The following STRN4 variants were observed in gnomAD, a reference collection of about 807,000 sequenced individuals.
STRN4 encodes the protein striatin-4.
STRN4 carries 27 observed loss-of-function variants against 77.9 expected under a neutral mutation model. The observed-to-expected ratio is 0.35, with a 90% CI of 0.26 to 0.48. STRN4 has a LOEUF of 0.48. Among genes scored for constraint, STRN4 ranks in the 20% least tolerant of loss-of-function variants. The probability of loss-of-function intolerance (pLI) is 0.99; values close to 1 mark genes in which losing one functional copy is unlikely to be tolerated. For synonymous variants in STRN4, 466 were observed against 443.1 expected, an observed-to-expected ratio of 1.05 and a Z score of -0.65; for missense variants, 798 against 1,049.7, an observed-to-expected ratio of 0.76 and a Z score of 3.31.
intron 1 of STRN4, chr19:46,745,801 C>G (rs2054579199): frequency 5.0e-6 from 1 of 201,688 alleles, no homozygotes; most frequent in Non-Finnish European, 1.0e-5. Flanking sequence ...CTCGAGTCGC[C>G]TCTCTCAGGA....
At chr19:46,734,933 G>T (rs1056477421) in intron 4 of STRN4, among the ~76,000 whole-genome samples, 3 of 152,038 alleles carry the variant, frequency 2.0e-5, no homozygotes, top group African/African-American at 7.2e-5. Flanking sequence ...CAAAGTGCTG[G>T]GATTACAGGC....
chr19:46,738,731 C>T lies in STRN4; in HGVS notation c.386+54G>A. ...GGAGGCGTGGCTGGTGGCCTCCTGA[C>T]ACTGTGCTTGAGACGGACCCAGAAG... On this transcript the variant is annotated intron_variant, in intron 2 of 17. Transcript: ENST00000263280. This position sits in a 1 kb window ranked among gnomAD's most constrained non-coding sequence, Gnocchi z 4.5. The T allele has an allele frequency of 1.3e-6, 2 of 1,580,342 alleles. No individual in the cohort carries two copies. Among genetic ancestry groups the T allele is most frequent in the Non-Finnish European group, 1.7e-6 (2 of 1,150,358 alleles).
rs1320014081 is a variant in STRN4 at position 46,728,739 on chromosome 19, C to A, written c.918G>T (p.Glu306Asp). 6.2e-7 allele frequency: 1 copy of A among 1,614,062 alleles called. No individual in the cohort carries two copies. The highest frequency in any genetic ancestry group is 1.3e-5 in the African/African-American group (1 of 74,946). The stretch of plus-strand genomic sequence containing the variant: ...CATCCTCAGAGTCGTCTTCCTCATC[C>A]TCGTCTTCCATTTCGGGCACCAGAG... ...SKALVPEMED[E>D]DEEDDSEDAI... is the part of the protein sequence containing the mutation. The change falls in exon 7 of 18, where the codon GAG (glutamate) becomes GAT (aspartate). Residue 306 changes from glutamate (E) to aspartate (D), a missense_variant. Glu to Asp is a conservative substitution (Grantham distance 45). Around this residue, in one of 2 missense-constraint regions of STRN4, gnomAD observed 511 missense variants for 575.9 expected, o/e 0.89. Coordinates refer to ENST00000263280, the MANE Select transcript of STRN4 (RefSeq NM_013403.3).
In STRN4 at chr19:46,722,293, T is replaced by C; in HGVS notation, c.1954A>G (p.Thr652Ala). 2.5e-6 allele frequency: 4 copies of C among 1,614,072 alleles called. No individual in the cohort carries two copies. The highest frequency in any genetic ancestry group is 3.4e-6 in the Non-Finnish European group (4 of 1,180,002). The change falls in exon 15 of 18, where the codon ACC becomes GCC. Residue 652 changes from threonine (T) to alanine (A), a missense_variant. Thr to Ala is a moderately conservative substitution (Grantham distance 58). Around this residue, in one of 2 missense-constraint regions of STRN4, gnomAD observed 287 missense variants for 473.8 expected, o/e 0.61. Coordinates refer to ENST00000263280, the MANE Select transcript of STRN4 (RefSeq NM_013403.3). Reference protein sequence around the residue: ...QVVSHPNQPLTITAHDDRGIR... With the variant: ...QVVSHPNQPLAITAHDDRGIR... ...CCCCTGTCGTCGTGGGCGGTGATGGTGAGAGGCTGGTTTGGATGACTCACC... is the reference window on the plus strand; with the variant it reads ...CCCCTGTCGTCGTGGGCGGTGATGGCGAGAGGCTGGTTTGGATGACTCACC...
chr19:46,741,385 G>T lies in STRN4; in HGVS notation c.283-2497C>A, dbSNP rs1473647866. On this transcript the variant is annotated intron_variant, in intron 1 of 17. Coordinates refer to ENST00000263280, the MANE Select transcript of STRN4 (RefSeq NM_013403.3). This position sits in a 1 kb window ranked among gnomAD's most constrained non-coding sequence, Gnocchi z 4.9. ...CCCTCCTCCTAATGAGGATGTGAGG[G>T]TCTCAGCTGCCCACTCTGCTTTGCT... 6.6e-6 allele frequency among the ~76,000 whole-genome samples: 1 copy of T among 152,172 alleles called. No individual in the cohort carries two copies. The highest frequency in any genetic ancestry group is 2.4e-5 in the African/African-American group (1 of 41,446).
At chr19:46,725,217 A>G (rs1042959805) in intron 11 of STRN4, 115 bp downstream of exon 11, 57 of 1,422,708 alleles carry the variant, frequency 4.0e-5, no homozygotes, top group Middle Eastern at 3.6e-4. Context: ...GCGGGGACTC[A>G]GAGCCCCCTG....
rs2053945977 is a variant in STRN4, at chr19:46,720,321, A to C, written c.*84T>G. 1 of 326,602 alleles carries C rather than the reference A, an allele frequency of 3.1e-6. No individual in the cohort carries two copies. Among genetic ancestry groups the C allele is most frequent in the Non-Finnish European group, 5.6e-6 (1 of 179,578 alleles). 20.2% of individuals were successfully genotyped at this position (326,602 alleles called of 1,614,324 possible). A position where few individuals can be genotyped will look rare whatever the true frequency, so the allele number is the denominator to read the frequency against. On this transcript the variant is annotated 3_prime_UTR_variant, in exon 18 of 18. Coordinates refer to ENST00000263280, the MANE Select transcript of STRN4 (RefSeq NM_013403.3). ...ACAGAGGCCAGGCCTCTGCACCTCCAGCGAGGCTGGGAGTCCCCTGCGGGA... is the reference window on the plus strand; with the variant it reads ...ACAGAGGCCAGGCCTCTGCACCTCCCGCGAGGCTGGGAGTCCCCTGCGGGA...
intron 12 of STRN4, among the ~76,000 whole-genome samples, chr19:46,724,141 G>A (rs1187731241): frequency 4.0e-5 from 6 of 151,502 alleles, no homozygotes; most frequent in East Asian, 3.9e-4. Context: ...CCAGCTACTC[G>A]GGAGGCTGAG....
At chr19:46,725,830 G>A (rs139637923) in intron 9 of STRN4, 182 bp from the exon 10 acceptor site, 7 of 745,502 alleles carry the variant, frequency 9.4e-6, no homozygotes, top group Admixed American at 2.9e-5. Flanking sequence ...CTCCATGCTC[G>A]CCCAACAAGT....
rs965261762 is a variant in STRN4 at position 46,738,043 on chromosome 19, C to G, written c.460+121G>C. On this transcript the variant is annotated intron_variant, in intron 3 of 17. Coordinates refer to ENST00000263280, the MANE Select transcript of STRN4 (RefSeq NM_013403.3). The surrounding 1 kb of genome is among the most constrained non-coding windows in gnomAD (Gnocchi z 4.5). Reference sequence around the variant, plus strand: ...GTGAGATTCCGCCCCTCCCCAGCCCCGGGGCCGATTCTGCCTTCTAAGGAG... The same window carrying G: ...GTGAGATTCCGCCCCTCCCCAGCCCGGGGGCCGATTCTGCCTTCTAAGGAG... 4.9e-6 allele frequency: 5 copies of G among 1,029,014 alleles called. No individual in the cohort carries two copies. Among genetic ancestry groups the G allele is most frequent in the Non-Finnish European group, 7.6e-6 (5 of 659,382 alleles). 63.7% of individuals were successfully genotyped at this position (1,029,014 alleles called of 1,614,324 possible). A position where few individuals can be genotyped will look rare whatever the true frequency, so the allele number is the denominator to read the frequency against.
chr19:46,730,115 G>A (rs1446156267), intron 6 of STRN4, among the ~76,000 whole-genome samples: 3 of 152,208 alleles, frequency 2.0e-5, no homozygotes, highest in Admixed American at 6.5e-5. Flanking sequence ...AGGACCAAGC[G>A]TCTGGACCAG....
At position 46,737,933 on chromosome 19, in the gene STRN4, G is replaced by A. The variant is rs367762891; in HGVS notation, c.460+231C>T. The stretch of plus-strand genomic sequence containing the variant: ...GATCCCGTGAGCTGCTCGTGTGTCT[G>A]CCTCTGTTGCACAGGGGGACCCAAG... On this transcript the variant is annotated intron_variant, in intron 3 of 17. Coordinates refer to ENST00000263280, the MANE Select transcript of STRN4 (RefSeq NM_013403.3). Among the ~76,000 whole-genome samples, 77 of 152,240 alleles carry A rather than the reference G, an allele frequency of 5.1e-4. No homozygotes were observed. In the South Asian group the frequency reaches 0.015, roughly 30 times the overall value.
At chr19:46,727,591 G>A in intron 8 of STRN4, 45 bp from the exon 9 acceptor site, 2 of 1,502,744 alleles carry the variant, frequency 1.3e-6, no homozygotes, top group Non-Finnish European at 1.9e-6. Context: ...GGGAGGGAGG[G>A]GCAGAGAGGG....
At chr19:46,737,364 G>A (rs2054387333) in intron 3 of STRN4, among the ~76,000 whole-genome samples, 2 of 152,220 alleles carry the variant, frequency 1.3e-5, no homozygotes, top group Admixed American at 6.5e-5. Context: ...AGTCTTTCCT[G>A]GGCATCTACG....
At chr19:46,745,096 TC>T (rs1335883572) in intron 1 of STRN4, among the ~76,000 whole-genome samples, 6 of 141,708 alleles carry the variant, frequency 4.2e-5, no homozygotes, top group Non-Finnish European at 9.0e-5. Flanking sequence ...TACAAAATTC[TC>T]CCCCCTAAAG....
intron 6 of STRN4, among the ~76,000 whole-genome samples, chr19:46,729,121 G>A (rs764354346): frequency 1.6e-4 from 24 of 152,214 alleles, no homozygotes; most frequent in Admixed American, 1.2e-3. Context: ...GTGAATATAC[G>A]GAGGTGCAAA....
chr19:46,737,059 C>T (rs1351208264), intron 3 of STRN4, among the ~76,000 whole-genome samples, 158 bp from the exon 4 acceptor site: 2 of 152,198 alleles, frequency 1.3e-5, no homozygotes, highest in South Asian at 2.1e-4. Flanking sequence ...TTCCCTTACT[C>T]GGGGATTCCT....
In STRN4 at chr19:46,733,088, TGAGCCCTGCAGGGCCTGGTG is replaced by T. The variant is rs1568399677; in HGVS notation, c.668_687del (p.Pro223GlnfsTer52). The T allele has an allele frequency of 6.2e-7, 1 of 1,613,568 alleles. No individual in the cohort carries two copies. On this transcript the variant is annotated frameshift_variant, in exon 5 of 18. Coordinates refer to ENST00000263280, the MANE Select transcript of STRN4 (RefSeq NM_013403.3). LOFTEE classifies it high-confidence loss of function. The surrounding 1 kb of genome is among the most constrained non-coding windows in gnomAD (Gnocchi z 4.3). ...TTCACCAGCAGCGACTCCCCACCAC[TGAGCCCTGCAGGGCCTGGTG>T]GAGCCCTGGGGGCCCCTTCACTCGG...
intron 6 of STRN4, 51 bp downstream of exon 6, chr19:46,730,681 G>T: frequency 6.3e-7 from 1 of 1,598,072 alleles, no homozygotes; most frequent in South Asian, 1.1e-5. Flanking sequence ...GAAGGGCTTC[G>T]ATCAGGTCAC....
Sources: gnomAD v4.1 joint callset for allele counts (sites outside exome capture counted in the v4.1 genomes callset) on GRCh38, gnomAD v4.1.1 for gene constraint, gnomAD v4.1.1 regional missense constraint, Gnocchi (gnomAD v3.1) non-coding constraint, MANE v1.5 for transcripts, NCBI Gene and HGNC (gene_info 2026-07-23, HGNC 2026-07-21) for gene names.